Variants in ANO10 observed in about 807,000 individuals in gnomAD.
ANO10 encodes anoctamin-10.
In ANO10, 77 loss-of-function variants were observed where a neutral mutation model predicts 74.7. That is an observed-to-expected ratio of 1.03 (90% CI 0.86 to 1.25). The LOEUF (loss-of-function observed/expected upper bound fraction) is 1.25. Ranked by LOEUF, ANO10 falls within the 50% of genes most tolerant of loss-of-function variation. ANO10 has a pLI of 0.00. For synonymous variants in ANO10, 279 were observed against 284.9 expected (o/e 0.98, Z 0.21); for missense variants, 721 against 778.1 (o/e 0.93, Z 0.87).
At position 43,556,969 on chromosome 3, in the gene ANO10, T is replaced by G. The variant is rs532088370; in HGVS notation, c.1477-1500A>C. Among the ~76,000 whole-genome samples the G allele has an allele frequency of 6.0e-4, 91 of 152,046 alleles. 1 individual carries two copies. Among genetic ancestry groups the G allele is most frequent in the Non-Finnish European group, 8.1e-4 (55 of 67,992 alleles). On this transcript the variant is annotated intron_variant, in intron 9 of 12. Coordinates refer to ENST00000292246, the MANE Select transcript of ANO10 (RefSeq NM_018075.5). Reference sequence around the variant, plus strand: ...AAAATCCAACAAAATCTATAGAAAATGTTTTGGAAATAACAGGAGAGTTCA... The same window carrying G: ...AAAATCCAACAAAATCTATAGAAAAGGTTTTGGAAATAACAGGAGAGTTCA...
At chr3:43,420,266 T>C (rs1575737298) in intron 12 of ANO10, among the ~76,000 whole-genome samples, 1 of 151,848 alleles carries the variant, frequency 6.6e-6, no homozygotes, top group South Asian at 2.1e-4. Flanking sequence ...GGCAACATGA[T>C]GAAACCCTGT....
chr3:43,367,263 G>A (rs2091445075), intron 12 of ANO10, among the ~76,000 whole-genome samples: 1 of 152,240 alleles, frequency 6.6e-6, no homozygotes, highest in South Asian at 2.1e-4. Flanking sequence ...CCAGGATGAG[G>A]GGAATAGGCG....
At chr3:43,488,011 G>A (rs1176441460) in intron 11 of ANO10, among the ~76,000 whole-genome samples, 1 of 152,060 alleles carries the variant, frequency 6.6e-6, no homozygotes, top group East Asian at 1.9e-4. Flanking sequence ...CACAAATAAC[G>A]CCGCGTATCT....
At chr3:43,414,890 A>T (rs2092714460) in intron 12 of ANO10, among the ~76,000 whole-genome samples, 1 of 151,572 alleles carries the variant, frequency 6.6e-6, no homozygotes, top group Admixed American at 6.6e-5. Flanking sequence ...TTGATATGGT[A>T]GAAAAGCCAC....
chr3:43,591,748 G>A (rs2081773056), intron 4 of ANO10, among the ~76,000 whole-genome samples: 2 of 152,194 alleles, frequency 1.3e-5, no homozygotes, highest in Non-Finnish European at 2.9e-5. Flanking sequence ...GTTGGACGGT[G>A]GGTGCAGGAC....
chr3:43,599,749 C>CA, intron 3 of ANO10, among the ~76,000 whole-genome samples: 2 of 151,722 alleles, frequency 1.3e-5, no homozygotes, highest in Admixed American at 6.6e-5. Flanking sequence ...ATTAAAAATA[C>CA]AAAAAAATTA....
At chr3:43,488,243 C>T (rs1422462937) in intron 11 of ANO10, among the ~76,000 whole-genome samples, 1 of 151,302 alleles carries the variant, frequency 6.6e-6, no homozygotes, top group Non-Finnish European at 1.5e-5. Context: ...CATTACCATT[C>T]AGGACATAGG....
intron 9 of ANO10, among the ~76,000 whole-genome samples, chr3:43,560,732 A>T (rs188246888): frequency 5.9e-5 from 9 of 152,340 alleles, no homozygotes; most frequent in Non-Finnish European, 2.9e-5. Flanking sequence ...TAATTCAGAA[A>T]GTCTCTGTCT....
intron 11 of ANO10, among the ~76,000 whole-genome samples, chr3:43,445,122 CAAAAAAAAAAAA>C (rs10689478): frequency 3.3e-5 from 3 of 91,534 alleles, no homozygotes; most frequent in Admixed American, 2.6e-4. Flanking sequence ...GACTTTGCCT[CAAAAAAAAAAAA>C]AAAAAAAAAA....
intron 11 of ANO10, among the ~76,000 whole-genome samples, chr3:43,497,109 T>C (rs1020743227): frequency 3.9e-5 from 6 of 152,094 alleles, no homozygotes; most frequent in African/African-American, 1.4e-4. Flanking sequence ...TTTCTTATTC[T>C]GTCACATTTC....
At chr3:43,569,616 G>A (rs1428055666) in intron 7 of ANO10, among the ~76,000 whole-genome samples, 1 of 141,990 alleles carries the variant, frequency 7.0e-6, no homozygotes, top group African/African-American at 2.7e-5. Flanking sequence ...TGCAGAAAAA[G>A]CCTTTGACAA....
At chr3:43,681,689 C>A (rs1347861422) in intron 1 of ANO10, among the ~76,000 whole-genome samples, 1 of 152,282 alleles carries the variant, frequency 6.6e-6, no homozygotes, top group Non-Finnish European at 1.5e-5. Context: ...GTAAAGCACT[C>A]CTCAGCAAAT....
At chr3:43,590,116 C>T (rs1575494345) in intron 4 of ANO10, among the ~76,000 whole-genome samples, 1 of 152,046 alleles carries the variant, frequency 6.6e-6, no homozygotes, top group African/African-American at 2.4e-5. Flanking sequence ...AAAATAAACA[C>T]AAAAATTGTA....
intron 11 of ANO10, among the ~76,000 whole-genome samples, chr3:43,444,771 C>T (rs1575827138): frequency 6.6e-6 from 1 of 152,090 alleles, no homozygotes; most frequent in East Asian, 1.9e-4. Flanking sequence ...CAGGACACTC[C>T]AGGTGGCCTA....
chr3:43,504,548 G>A (rs1228680359), intron 11 of ANO10, among the ~76,000 whole-genome samples: 1 of 151,402 alleles, frequency 6.6e-6, no homozygotes, highest in South Asian at 2.1e-4. Context: ...CCATTGCTAA[G>A]AGAGTTACTG....
intron 7 of ANO10, among the ~76,000 whole-genome samples, chr3:43,574,454 A>T (rs2080900621): frequency 1.3e-5 from 2 of 151,992 alleles, no homozygotes; most frequent in African/African-American, 4.8e-5. Flanking sequence ...TATTTTTAGT[A>T]GAGACAGGGT....
intron 1 of ANO10, among the ~76,000 whole-genome samples, chr3:43,680,044 G>C (rs1226303568): frequency 6.6e-6 from 1 of 152,170 alleles, no homozygotes; most frequent in Non-Finnish European, 1.5e-5. Context: ...CTCCTCCAAA[G>C]GAACACAGCT....
intron 11 of ANO10, among the ~76,000 whole-genome samples, chr3:43,525,830 C>T (rs2078173475): frequency 1.3e-5 from 2 of 152,142 alleles, no homozygotes. Flanking sequence ...CAAAATGCCT[C>T]AATTTATGAG....
rs2091401532 is a variant in ANO10, at chr3:43,365,944, T to A, written c.*962A>T. On this transcript the variant is annotated 3_prime_UTR_variant, in exon 13 of 13. Transcript: ENST00000292246. ...GCCAGCGCTGGTGGGAAGGGCTGTATACGTGGGCAGCACTGGCCTACATGG... is the reference window on the plus strand; with the variant it reads ...GCCAGCGCTGGTGGGAAGGGCTGTAAACGTGGGCAGCACTGGCCTACATGG... 6.6e-6 allele frequency: 1 copy of A among 152,500 alleles called. No individual in the cohort carries two copies. Among genetic ancestry groups the A allele is most frequent in the Non-Finnish European group, 1.5e-5 (1 of 68,260 alleles). 9.4% of individuals were successfully genotyped at this position (152,500 alleles called of 1,614,324 possible). A position where few individuals can be genotyped will look rare whatever the true frequency, so the allele number is the denominator to read the frequency against.
Sources: allele counts gnomAD v4.1 joint callset (sites outside exome capture counted in the v4.1 genomes callset), GRCh38; gene constraint gnomAD v4.1.1; transcripts MANE v1.5; gene names NCBI Gene and HGNC (gene_info 2026-07-23, HGNC 2026-07-21).